The following TBC1D12 variants were observed in gnomAD, a reference collection of about 807,000 sequenced individuals.
The protein encoded by TBC1D12 is TBC1 domain family member 12, also known as TBC1 domain family, member 12.
Under a neutral mutation model 86.7 loss-of-function variants are expected in TBC1D12, and 56 were observed. That is an observed-to-expected ratio of 0.65 (90% CI 0.52 to 0.81). The LOEUF (loss-of-function observed/expected upper bound fraction) is 0.81. TBC1D12 is among the 30% of genes least tolerant of loss of function. The pLI, the probability that TBC1D12 is intolerant of heterozygous loss-of-function variation, is 0.00. For missense variants in TBC1D12, 1,023 were observed against 1,038.8 expected, an observed-to-expected ratio of 0.98 and a Z score of 0.21; for synonymous variants, 421 against 411.7, an observed-to-expected ratio of 1.02 and a Z score of -0.27.
At chr10:94,409,345 T>C (rs1390874085) in intron 1 of TBC1D12, among the ~76,000 whole-genome samples, 1 of 151,760 alleles carries the variant, frequency 6.6e-6, no homozygotes, top group Non-Finnish European at 1.5e-5. Flanking sequence ...CACTCAAACA[T>C]ATTACTTTGA....
At chr10:94,473,439 T>C (rs80193444) in intron 2 of TBC1D12, among the ~76,000 whole-genome samples, 2,238 of 152,210 alleles carry the variant, frequency 0.015, 54 homozygotes, top group East Asian at 0.06. Flanking sequence ...TCTCATTTTA[T>C]GATTGCCCAA....
At position 94,535,282 on chromosome 10, in the gene TBC1D12, A is replaced by G. The variant is rs1190909583; in HGVS notation, c.*2186A>G. 6.6e-6 allele frequency: 1 copy of G among 152,096 alleles called. No homozygotes were observed. Among genetic ancestry groups the G allele is most frequent in the East Asian group, 1.9e-4 (1 of 5,188 alleles). The allele number at this position is 152,096 out of a possible 1,614,324, so 9.4% of individuals were successfully genotyped here. On this transcript the variant is annotated 3_prime_UTR_variant, in exon 13 of 13. Coordinates refer to ENST00000225235, the MANE Select transcript of TBC1D12 (RefSeq NM_015188.2). Reference sequence around the variant, plus strand: ...ATTGTCCTATTATGTTTAAATTTGAACCTAAATCACTTGAGTGTTATGAGT... The same window carrying G: ...ATTGTCCTATTATGTTTAAATTTGAGCCTAAATCACTTGAGTGTTATGAGT...
At position 94,423,246 on chromosome 10, in the gene TBC1D12, T is replaced by C. The variant is rs140490362; in HGVS notation, c.972-18650T>C. Among the ~76,000 whole-genome samples, 453 of 152,298 alleles carry C rather than the reference T, an allele frequency of 3.0e-3. 3 individuals carry two copies. Among genetic ancestry groups the C allele is most frequent in the African/African-American group, 0.01 (427 of 41,570 alleles). On this transcript the variant is annotated intron_variant, in intron 1 of 12. Transcript: ENST00000225235. ...GAGATGCTTGGTTTTTCAGCTCTTT[T>C]CTGCCTCCTGATTGTTCAATGCATG...
chr10:94,435,253 A>AG (rs1158314381), intron 1 of TBC1D12, among the ~76,000 whole-genome samples: 1 of 152,202 alleles, frequency 6.6e-6, no homozygotes, highest in Non-Finnish European at 1.5e-5. Flanking sequence ...TAGGGTATGC[A>AG]GCTGTTCAAC....
chr10:94,502,376 G>A (rs961837748), intron 6 of TBC1D12, among the ~76,000 whole-genome samples: 18 of 151,032 alleles, frequency 1.2e-4, no homozygotes, highest in African/African-American at 4.4e-4. Context: ...TTTAAAATTA[G>A]ATAAAATTAG....
At chr10:94,457,752 A>G (rs937309674) in intron 2 of TBC1D12, among the ~76,000 whole-genome samples, 2 of 152,034 alleles carry the variant, frequency 1.3e-5, no homozygotes, top group Non-Finnish European at 2.9e-5. Context: ...AACATCTTAT[A>G]TGATTCCATT....
intron 1 of TBC1D12, among the ~76,000 whole-genome samples, chr10:94,420,575 A>G (rs1478620483): frequency 2.6e-5 from 4 of 152,076 alleles, no homozygotes; most frequent in Non-Finnish European, 2.9e-5. Context: ...GTCTCTGTGC[A>G]TTTGCTCAGT....
intron 1 of TBC1D12, among the ~76,000 whole-genome samples, chr10:94,417,595 C>T (rs2055015801): frequency 6.6e-6 from 1 of 152,090 alleles, no homozygotes; most frequent in Admixed American, 6.5e-5. Context: ...AAAATTGTTG[C>T]AAAATCAAGG....
intron 1 of TBC1D12, among the ~76,000 whole-genome samples, chr10:94,434,155 A>G (rs1362226600): frequency 6.6e-6 from 1 of 152,218 alleles, no homozygotes; most frequent in Non-Finnish European, 1.5e-5. Flanking sequence ...GCAGAAGATG[A>G]TGCCCAATGC....
rs748794051 is a variant in TBC1D12 at position 94,531,443 on chromosome 10, A to G, written c.2242A>G (p.Thr748Ala). 1.9e-6 allele frequency: 3 copies of G among 1,613,250 alleles called. No individual in the cohort carries two copies. The highest frequency in any genetic ancestry group is 1.3e-5 in the African/African-American group (1 of 74,932). ...CIAAIQMQNS[T>A]KKWTQVFASV... ...TGCAGCCATTCAGATGCAGAATAGC[A>G]CCAAAAAATGGACTCAGGTAGAGTG... The change falls in exon 12 of 13, where the codon ACC becomes GCC. Residue 748 changes from threonine (T) to alanine (A), a missense_variant. Thr to Ala is a moderately conservative substitution (Grantham distance 58). Coordinates refer to ENST00000225235, the MANE Select transcript of TBC1D12 (RefSeq NM_015188.2).
intron 1 of TBC1D12, among the ~76,000 whole-genome samples, chr10:94,440,975 G>A (rs961146500): frequency 6.6e-6 from 1 of 152,020 alleles, no homozygotes; most frequent in Non-Finnish European, 1.5e-5. Context: ...TCAGCTTCCC[G>A]AGTAGCTGGA....
chr10:94,449,410 G>GT (rs1272899886), intron 2 of TBC1D12, among the ~76,000 whole-genome samples: 1 of 152,050 alleles, frequency 6.6e-6, no homozygotes, highest in Non-Finnish European at 1.5e-5. Context: ...TATAGGATGG[G>GT]TTTTTTGTCT....
chr10:94,504,917 T>A (rs183139278), intron 6 of TBC1D12, among the ~76,000 whole-genome samples: 185 of 152,276 alleles, frequency 1.2e-3, no homozygotes, highest in Non-Finnish European at 1.9e-3. Flanking sequence ...AAACTCTCCC[T>A]TTGCAGATTC....
chr10:94,460,199 C>T (rs2055703589), intron 2 of TBC1D12, among the ~76,000 whole-genome samples: 1 of 152,126 alleles, frequency 6.6e-6, no homozygotes, highest in South Asian at 2.1e-4. Context: ...GAGATCACGC[C>T]ACTGCACTCC....
In TBC1D12 at chr10:94,529,033, A is replaced by G. The variant is rs1401350397; in HGVS notation, c.2001-2169A>G. Among the ~76,000 whole-genome samples the G allele has an allele frequency of 2.0e-5, 3 of 151,628 alleles. No homozygotes were observed. In the East Asian group the frequency reaches 5.8e-4, roughly 29 times the overall value. The stretch of plus-strand genomic sequence containing the variant: ...GATTTTTTTTTTTAATTTTTTTGAG[A>G]CAGGCTCCCACTCTGTCACCCAGGC... On this transcript the variant is annotated intron_variant, in intron 11 of 12. Coordinates refer to ENST00000225235, the MANE Select transcript of TBC1D12 (RefSeq NM_015188.2).
intron 3 of TBC1D12, among the ~76,000 whole-genome samples, chr10:94,482,369 C>A (rs953552887): frequency 9.9e-5 from 15 of 152,196 alleles, no homozygotes; most frequent in African/African-American, 3.4e-4. Flanking sequence ...TTTATGGCTA[C>A]AGGGTTATTT....
chr10:94,424,186 A>G (rs2055117921), intron 1 of TBC1D12, among the ~76,000 whole-genome samples: 3 of 152,046 alleles, frequency 2.0e-5, no homozygotes, highest in Non-Finnish European at 4.4e-5. Context: ...TCAGTCCCCC[A>G]CAGATACCAA....
chr10:94,520,703 A>G (rs1238527261), intron 9 of TBC1D12, among the ~76,000 whole-genome samples: 5 of 151,716 alleles, frequency 3.3e-5, no homozygotes. Context: ...TCTGTCACCC[A>G]GTCTGGAGTG....
intron 4 of TBC1D12, among the ~76,000 whole-genome samples, chr10:94,495,931 G>C (rs1186282177): frequency 1.3e-5 from 2 of 152,102 alleles, no homozygotes; most frequent in Middle Eastern, 3.4e-3. Flanking sequence ...GTGAATCTCT[G>C]TCTCTACTAA....
Sources: gnomAD v4.1 joint callset for allele counts (sites outside exome capture counted in the v4.1 genomes callset) on GRCh38, gnomAD v4.1.1 for gene constraint, MANE v1.5 for transcripts, NCBI Gene and HGNC (gene_info 2026-07-23, HGNC 2026-07-21) for gene names.